Variants in GLG1 observed in about 807,000 individuals in gnomAD.
The protein encoded by GLG1 is golgi glycoprotein 1, also known as Golgi apparatus protein 1.
GLG1 carries 38 observed loss-of-function variants against 160.5 expected under a neutral mutation model. That is an observed-to-expected ratio of 0.24 (90% CI 0.18 to 0.31). The LOEUF is 0.31. Ranked by LOEUF, GLG1 falls within the 10% of genes least tolerant of loss-of-function variation. The probability of loss-of-function intolerance (pLI) is 1.00; values close to 1 mark genes in which losing one functional copy is unlikely to be tolerated. For synonymous variants in GLG1, 644 were observed against 543.4 expected, an observed-to-expected ratio of 1.19 and a Z score of -2.57; for missense variants, 1,373 against 1,505.2, an observed-to-expected ratio of 0.91 and a Z score of 1.45.
chr16:74,553,469 GTTTTTTTTT>G (rs537408696), intron 1 of GLG1, among the ~76,000 whole-genome samples: 2 of 106,086 alleles, frequency 1.9e-5, no homozygotes, highest in African/African-American at 7.4e-5. Flanking sequence ...TTTTGTTTCG[GTTTTTTTTT>G]TTTTTTTTTT....
At chr16:74,492,149 G>GCTAAGGTGGGA in intron 7 of GLG1, among the ~76,000 whole-genome samples, 1 of 150,720 alleles carries the variant, frequency 6.6e-6, no homozygotes, top group South Asian at 2.1e-4. Flanking sequence ...CACTTTGGGA[G>GCTAAGGTGGGA]GCCGAGGCAG....
chr16:74,575,596 T>C (rs1020185371), intron 1 of GLG1, among the ~76,000 whole-genome samples: 1 of 152,080 alleles, frequency 6.6e-6, no homozygotes, highest in African/African-American at 2.4e-5. Flanking sequence ...TCTCGCTCTG[T>C]TTTTGTTTGT....
intron 1 of GLG1, among the ~76,000 whole-genome samples, chr16:74,539,332 T>TA (rs1377876899): frequency 6.6e-6 from 1 of 152,038 alleles, no homozygotes; most frequent in Non-Finnish European, 1.5e-5. Context: ...CGTTAAGTTT[T>TA]AAAGATAGAC....
intron 7 of GLG1, among the ~76,000 whole-genome samples, chr16:74,492,752 G>A (rs2016045976): frequency 6.6e-6 from 1 of 151,596 alleles, no homozygotes; most frequent in African/African-American, 2.4e-5. Flanking sequence ...ACGGAAGGCG[G>A]AGCTTGCAGT....
At chr16:74,542,147 C>T (rs2017887046) in intron 1 of GLG1, among the ~76,000 whole-genome samples, 1 of 149,638 alleles carries the variant, frequency 6.7e-6, no homozygotes, top group African/African-American at 2.5e-5. Flanking sequence ...GCACATGAAC[C>T]ATCTGATGAT....
At chr16:74,527,822 G>A (rs1369202904) in intron 2 of GLG1, among the ~76,000 whole-genome samples, 1 of 151,440 alleles carries the variant, frequency 6.6e-6, no homozygotes, top group African/African-American at 2.4e-5. Context: ...TTCCTCCCCA[G>A]TTCAAGTGAT....
chr16:74,469,824 G>A (rs1193191505), intron 16 of GLG1, 161 bp downstream of exon 16: 1 of 622,082 alleles, frequency 1.6e-6, no homozygotes, highest in Non-Finnish European at 2.9e-6. Context: ...GCTCTGTCCA[G>A]ACAGTCCGAG....
chr16:74,532,808 T>C (rs1000961113), intron 1 of GLG1, among the ~76,000 whole-genome samples: 1 of 152,184 alleles, frequency 6.6e-6, no homozygotes, highest in African/African-American at 2.4e-5. Context: ...ATTACAGATG[T>C]GAATTACCGT....
intron 8 of GLG1, among the ~76,000 whole-genome samples, chr16:74,486,202 C>T (rs1007977050): frequency 6.6e-6 from 1 of 152,214 alleles, no homozygotes; most frequent in Admixed American, 6.5e-5. Context: ...AAGGCTGCCT[C>T]TTTGCTTTCA....
At chr16:74,510,749 G>A (rs1317857731) in intron 2 of GLG1, among the ~76,000 whole-genome samples, 2 of 152,128 alleles carry the variant, frequency 1.3e-5, no homozygotes, top group East Asian at 3.8e-4. Context: ...AGGAACTGGT[G>A]GATAAAACAT....
chr16:74,598,177 T>C (rs1217701620), intron 1 of GLG1, among the ~76,000 whole-genome samples: 1 of 152,192 alleles, frequency 6.6e-6, no homozygotes, highest in Non-Finnish European at 1.5e-5. Context: ...AGTAGTATAC[T>C]TGAACACTGA....
At chr16:74,594,645 T>C (rs1958258502) in intron 1 of GLG1, among the ~76,000 whole-genome samples, 1 of 152,196 alleles carries the variant, frequency 6.6e-6, no homozygotes. Context: ...TATCAGAGTA[T>C]TGTTCTCAAG....
At chr16:74,566,008 G>C (rs779347224) in intron 1 of GLG1, among the ~76,000 whole-genome samples, 1 of 152,160 alleles carries the variant, frequency 6.6e-6, no homozygotes, top group Non-Finnish European at 1.5e-5. Context: ...TTTGTAGAAC[G>C]TCCCTCAATT....
intron 2 of GLG1, among the ~76,000 whole-genome samples, chr16:74,518,637 T>C (rs935815498): frequency 6.6e-6 from 1 of 152,112 alleles, no homozygotes; most frequent in African/African-American, 2.4e-5. Flanking sequence ...ATTCAGGACA[T>C]AGGCATGGGC....
intron 2 of GLG1, among the ~76,000 whole-genome samples, chr16:74,516,456 C>T (rs185652745): frequency 4.7e-4 from 72 of 152,230 alleles, no homozygotes; most frequent in Non-Finnish European, 7.2e-4. Context: ...TGAATGACTA[C>T]TGGGTACATA....
At chr16:74,511,462 G>A (rs1353448146) in intron 2 of GLG1, among the ~76,000 whole-genome samples, 1 of 151,968 alleles carries the variant, frequency 6.6e-6, no homozygotes, top group African/African-American at 2.4e-5. Context: ...GACTGGTCTG[G>A]CTAACATGGG....
intron 8 of GLG1, among the ~76,000 whole-genome samples, chr16:74,488,682 T>G (rs2015876112): frequency 2.0e-5 from 3 of 152,140 alleles, no homozygotes; most frequent in Non-Finnish European, 2.9e-5. Flanking sequence ...TGCAGTAGTG[T>G]GATCTCAGCT....
At chr16:74,512,617 G>A (rs889350445) in intron 2 of GLG1, among the ~76,000 whole-genome samples, 2 of 151,080 alleles carry the variant, frequency 1.3e-5, no homozygotes, top group East Asian at 3.9e-4. Context: ...TCCCAAACGT[G>A]TAATGAGTAA....
intron 22 of GLG1, among the ~76,000 whole-genome samples, chr16:74,460,463 G>A (rs1448707006): frequency 6.6e-6 from 1 of 152,216 alleles, no homozygotes; most frequent in Non-Finnish European, 1.5e-5. Context: ...GGCCTGAACT[G>A]ACAGTTTCAA....
Sources: allele counts gnomAD v4.1 joint callset (sites outside exome capture counted in the v4.1 genomes callset), GRCh38; gene constraint gnomAD v4.1.1; transcripts MANE v1.5; gene names NCBI Gene and HGNC (gene_info 2026-07-23, HGNC 2026-07-21).